The following LRRC4C variants were observed in gnomAD, a reference collection of about 807,000 sequenced individuals.
LRRC4C encodes the protein leucine rich repeat containing 4C, also known as leucine-rich repeat-containing protein 4C.
A neutral mutation model predicts 33.6 loss-of-function variants in LRRC4C; 5 were observed. The ratio of observed to expected loss-of-function variants is 0.15; its 90% confidence interval spans 0.08 to 0.31. The LOEUF (loss-of-function observed/expected upper bound fraction) is 0.31, where lower values mean the gene tolerates loss of function less well. LRRC4C is among the 10% of genes least tolerant of loss of function. The probability of loss-of-function intolerance (pLI) is 1.00; values close to 1 mark genes in which losing one functional copy is unlikely to be tolerated. For synonymous variants in LRRC4C, 329 were observed against 302.0 expected (o/e 1.09, Z -0.93); for missense variants, 560 against 796.7 (o/e 0.70, Z 3.58).
intron 1 of LRRC4C, among the ~76,000 whole-genome samples, chr11:41,369,193 G>T (rs896327905): frequency 1.3e-4 from 20 of 152,076 alleles, no homozygotes; most frequent in African/African-American, 4.6e-4. Context: ...AAATACATAT[G>T]CACAAAGATA....
intron 3 of LRRC4C, among the ~76,000 whole-genome samples, chr11:40,432,512 C>A (rs1192403451): frequency 6.6e-6 from 1 of 152,226 alleles, no homozygotes; most frequent in Non-Finnish European, 1.5e-5. Flanking sequence ...ACTGGAGTTT[C>A]TGTCCGAAAA....
At chr11:40,640,721 C>T (rs1364228331) in intron 3 of LRRC4C, among the ~76,000 whole-genome samples, 2 of 152,020 alleles carry the variant, frequency 1.3e-5, no homozygotes, top group Non-Finnish European at 2.9e-5. Context: ...TGTAAGAATA[C>T]ATGGCAAATT....
In LRRC4C at chr11:41,005,211, G is replaced by A. The variant is rs1441937892; in HGVS notation, c.-495-71488C>T. On this transcript the variant is annotated intron_variant, in intron 1 of 6. Coordinates refer to ENST00000528697, the MANE Select transcript of LRRC4C (RefSeq NM_001258419.2). ...TGAAATGTAATCCCCAGTGTTGGAA[G>A]TGGGGCCTGGTGGGAGGTGTTTGAA... Among the ~76,000 whole-genome samples, 4 of 152,310 alleles carry A rather than the reference G, an allele frequency of 2.6e-5. No homozygotes were observed. The South Asian group carries it at 8.3e-4, about 32-fold the overall frequency.
chr11:40,307,615 C>T (rs901029419), intron 4 of LRRC4C, among the ~76,000 whole-genome samples: 1 of 152,166 alleles, frequency 6.6e-6, no homozygotes, highest in African/African-American at 2.4e-5. Flanking sequence ...ATAATTGTAT[C>T]ATCTCTCCTG....
chr11:40,596,445 T>A (rs894865316), intron 3 of LRRC4C, among the ~76,000 whole-genome samples: 2 of 150,454 alleles, frequency 1.3e-5, no homozygotes, highest in African/African-American at 4.9e-5. Context: ...CATTTCTTTT[T>A]TTTCAGGAAA....
intron 3 of LRRC4C, among the ~76,000 whole-genome samples, chr11:40,327,278 C>T (rs1228164672): frequency 6.6e-6 from 1 of 151,870 alleles, no homozygotes; most frequent in Admixed American, 6.6e-5. Context: ...GAATGAATGC[C>T]CTTTGGAGTC....
intron 1 of LRRC4C, among the ~76,000 whole-genome samples, chr11:41,246,128 A>G (rs546121207): frequency 3.8e-4 from 58 of 152,212 alleles, no homozygotes; most frequent in African/African-American, 1.4e-3. Flanking sequence ...GCTGCCGTTT[A>G]TCTGCCGTCC....
intron 2 of LRRC4C, among the ~76,000 whole-genome samples, chr11:40,810,411 C>T (rs150078497): frequency 1.6e-4 from 25 of 152,208 alleles, no homozygotes; most frequent in African/African-American, 5.8e-4. Flanking sequence ...AGTTTTTTAT[C>T]TAAACTTTCT....
At chr11:40,851,993 A>T (rs4441006) in intron 2 of LRRC4C, among the ~76,000 whole-genome samples, 16,362 of 152,020 alleles carry the variant, frequency 0.11, 966 homozygotes, top group Admixed American at 0.18. Flanking sequence ...CGTACTTTTT[A>T]AAAAAATTTT....
intron 1 of LRRC4C, among the ~76,000 whole-genome samples, chr11:41,187,203 TTC>T (rs1945732286): frequency 1.3e-5 from 2 of 152,266 alleles, no homozygotes; most frequent in South Asian, 4.1e-4. Context: ...GGACAGGCAC[TTC>T]TGTTTTCATG....
chr11:40,266,472 C>G (rs535612281), intron 4 of LRRC4C, among the ~76,000 whole-genome samples: 1 of 151,860 alleles, frequency 6.6e-6, no homozygotes, highest in African/African-American at 2.4e-5. Flanking sequence ...GTCTCAACAA[C>G]GACAACACAA....
intron 3 of LRRC4C, among the ~76,000 whole-genome samples, chr11:40,332,012 C>A (rs925362053): frequency 6.6e-6 from 1 of 152,174 alleles, no homozygotes; most frequent in African/African-American, 2.4e-5. Flanking sequence ...ACCCAAGTGC[C>A]ATAACATGTA....
intron 3 of LRRC4C, among the ~76,000 whole-genome samples, chr11:40,588,387 C>T (rs1958865110): frequency 6.6e-6 from 1 of 152,090 alleles, no homozygotes; most frequent in African/African-American, 2.4e-5. Flanking sequence ...ATTAGCCTTG[C>T]TAGCAGTCTA....
chr11:41,126,133 G>T (rs1241685155), intron 1 of LRRC4C, among the ~76,000 whole-genome samples: 1 of 151,842 alleles, frequency 6.6e-6, no homozygotes, highest in Non-Finnish European at 1.5e-5. Context: ...AAACCACCAT[G>T]ATACACATTT....
At chr11:40,368,193 GA>G (rs1948297703) in intron 3 of LRRC4C, among the ~76,000 whole-genome samples, 2 of 152,090 alleles carry the variant, frequency 1.3e-5, no homozygotes, top group African/African-American at 4.8e-5. Context: ...AAAGAGAAAT[GA>G]AAGAAAAATA....
At chr11:41,114,136 A>G (rs1941993688) in intron 1 of LRRC4C, among the ~76,000 whole-genome samples, 1 of 152,090 alleles carries the variant, frequency 6.6e-6, no homozygotes, top group African/African-American at 2.4e-5. Context: ...AAAAAATTGT[A>G]ATGAACGAAA....
At chr11:40,376,709 A>G (rs542379168) in intron 3 of LRRC4C, among the ~76,000 whole-genome samples, 5 of 149,926 alleles carry the variant, frequency 3.3e-5, no homozygotes, top group African/African-American at 7.5e-5. Flanking sequence ...AAGCATATCA[A>G]TGTGTGTGCT....
chr11:41,301,188 G>A (rs1170135452), intron 1 of LRRC4C, among the ~76,000 whole-genome samples: 1 of 152,170 alleles, frequency 6.6e-6, no homozygotes, highest in African/African-American at 2.4e-5. Flanking sequence ...CTGCTCCTGT[G>A]AGTTGAAGTG....
chr11:41,045,783 C>T (rs1483821534), intron 1 of LRRC4C, among the ~76,000 whole-genome samples: 2 of 151,770 alleles, frequency 1.3e-5, no homozygotes, highest in African/African-American at 4.9e-5. Flanking sequence ...AGAGGTGAGA[C>T]TTTGATAAGG....
Sources: allele counts gnomAD v4.1 joint callset (sites outside exome capture counted in the v4.1 genomes callset), GRCh38; gene constraint gnomAD v4.1.1; transcripts MANE v1.5; gene names NCBI Gene and HGNC (gene_info 2026-07-23, HGNC 2026-07-21).